Variants in DRC9 observed in about 807,000 individuals in gnomAD.
DRC9 encodes the protein dynein regulatory complex subunit 9, also known as dynein regulatory complex protein 9.
the DRC9 span, among the ~76,000 whole-genome samples, chr3:197,901,567 C>T: frequency 2.0e-5 from 3 of 152,226 alleles, no homozygotes; most frequent in Non-Finnish European, 4.4e-5. The surrounding 1 kb of genome is among the most constrained non-coding windows in gnomAD (Gnocchi z 4.4). Context: ...TGGGCCTTAG[C>T]TGAACATCAG....
the DRC9 span, chr3:197,891,334 C>G: frequency 1.6e-6 from 1 of 618,358 alleles, no homozygotes; most frequent in African/African-American, 1.9e-5. Flanking sequence ...TGCTTCTTCT[C>G]AGATCTGCAG....
the DRC9 span, among the ~76,000 whole-genome samples, chr3:197,938,241 C>T: frequency 2.7e-5 from 4 of 149,142 alleles, no homozygotes; most frequent in East Asian, 2.0e-4. Context: ...TGCTTGAACC[C>T]GGGAGGCGGA....
chr3:197,916,189 T>C, the DRC9 span: 7,624 of 150,916 alleles, frequency 0.051, 220 homozygotes, highest in South Asian at 0.075. Flanking sequence ...CCCAGGCTGG[T>C]CTCAAACTCT....
At chr3:197,935,953 T>G in the DRC9 span, among the ~76,000 whole-genome samples, 1 of 152,018 alleles carries the variant, frequency 6.6e-6, no homozygotes, top group Non-Finnish European at 1.5e-5. Flanking sequence ...CCAATTAAGA[T>G]GTTTAGATTT....
At chr3:197,940,002 A>C in the DRC9 span, among the ~76,000 whole-genome samples, 10 of 151,486 alleles carry the variant, frequency 6.6e-5, no homozygotes, top group Non-Finnish European at 4.4e-5. Context: ...CACTAAAAAA[A>C]ATTTTTTTTG....
the DRC9 span, among the ~76,000 whole-genome samples, chr3:197,934,922 G>A: frequency 6.6e-6 from 1 of 151,852 alleles, no homozygotes; most frequent in Non-Finnish European, 1.5e-5. Flanking sequence ...AGTGAGTCAT[G>A]TTTGTGCCAC....
At chr3:197,950,195 C>A in the DRC9 span, 1 of 1,231,658 alleles carries the variant, frequency 8.1e-7, no homozygotes, top group Non-Finnish European at 1.0e-6. Flanking sequence ...TCGTCCTTCT[C>A]TTACCGCCAT....
chr3:197,950,675 C>G, the DRC9 span: 1 of 524,222 alleles, frequency 1.9e-6, no homozygotes, highest in Admixed American at 3.4e-5. Context: ...TTTTCTCAGG[C>G]TTTTCTGAGA....
the DRC9 span, among the ~76,000 whole-genome samples, chr3:197,933,036 T>G: frequency 1.4e-5 from 2 of 140,772 alleles, no homozygotes; most frequent in Non-Finnish European, 3.0e-5. Context: ...ATATTATATA[T>G]TATACATATA....
At chr3:197,935,820 C>G in the DRC9 span, among the ~76,000 whole-genome samples, 2 of 151,828 alleles carry the variant, frequency 1.3e-5, no homozygotes, top group African/African-American at 2.4e-5. Context: ...ACGTTATAGT[C>G]TCTGTTTCTG....
the DRC9 span, chr3:197,938,647 A>G: frequency 2.5e-6 from 4 of 1,614,178 alleles, no homozygotes; most frequent in South Asian, 1.1e-5. Context: ...CTCCACAGCG[A>G]ACCGGCCTCT....
the DRC9 span, chr3:197,932,171 G>A: frequency 1.2e-6 from 2 of 1,610,916 alleles, no homozygotes; most frequent in South Asian, 2.2e-5. Context: ...ACATGACTCT[G>A]ACCTGGCAAT....
the DRC9 span, among the ~76,000 whole-genome samples, chr3:197,906,036 A>G: frequency 6.6e-6 from 1 of 151,646 alleles, no homozygotes; most frequent in Non-Finnish European, 1.5e-5. Flanking sequence ...AAAAAAACTC[A>G]TTTGTGGCAG....
the DRC9 span, among the ~76,000 whole-genome samples, chr3:197,929,556 G>A: frequency 6.6e-6 from 1 of 152,146 alleles, no homozygotes; most frequent in Non-Finnish European, 1.5e-5. This position sits in a 1 kb window ranked among gnomAD's most constrained non-coding sequence, Gnocchi z 4.6. Flanking sequence ...AGGATCACTT[G>A]AGGCCAGGAG....
the DRC9 span, chr3:197,951,635 G>C: frequency 2.8e-6 from 1 of 351,966 alleles, no homozygotes; most frequent in South Asian, 2.6e-5. Flanking sequence ...TTACAGGCTT[G>C]AGCCACCGCG....
the DRC9 span, chr3:197,950,512 C>G: frequency 9.8e-6 from 3 of 305,608 alleles, no homozygotes; most frequent in African/African-American, 6.5e-5. Flanking sequence ...TTCCTTCATC[C>G]GTTTCCTCCC....
At chr3:197,905,717 C>T in the DRC9 span, among the ~76,000 whole-genome samples, 1 of 151,002 alleles carries the variant, frequency 6.6e-6, no homozygotes, top group Non-Finnish European at 1.5e-5. Flanking sequence ...CACTGGGCAA[C>T]AAGAACAAAA....
chr3:197,956,746 C>T, the DRC9 span: 2 of 151,806 alleles, frequency 1.3e-5, no homozygotes, highest in Non-Finnish European at 2.9e-5. Flanking sequence ...CCTCCTGCCT[C>T]AGCCTCCTAA....
chr3:197,944,585 A>T, the DRC9 span, among the ~76,000 whole-genome samples: 1 of 152,074 alleles, frequency 6.6e-6, no homozygotes, highest in South Asian at 2.1e-4. Flanking sequence ...AGTAGCTGGG[A>T]CTACAGGCGT....
Sources: gnomAD v4.1 joint callset for allele counts (sites outside exome capture counted in the v4.1 genomes callset) on GRCh38, gnomAD v4.1.1 for gene constraint, Gnocchi (gnomAD v3.1) non-coding constraint, MANE v1.5 for transcripts, NCBI Gene and HGNC (gene_info 2026-07-23, HGNC 2026-07-21) for gene names.